The following LARS1 variants were observed in gnomAD, a reference collection of about 807,000 sequenced individuals.
LARS1 encodes leucine--tRNA ligase, cytoplasmic.
Under a neutral mutation model 162.8 loss-of-function variants are expected in LARS1, and 100 were observed. The observed-to-expected ratio is 0.61, with a 90% CI of 0.52 to 0.73. The LOEUF is 0.73. Ranked by LOEUF, LARS1 falls within the 30% of genes least tolerant of loss-of-function variation. The pLI is 0.00. For missense variants in LARS1, 1,258 were observed against 1,408.9 expected (o/e 0.89, Z 1.71); for synonymous variants, 457 against 462.8 (o/e 0.99, Z 0.16).
At chr5:146,172,050 G>A in intron 3 of LARS1, 60 bp from the exon 4 acceptor site, 1 of 1,414,762 alleles carries the variant, frequency 7.1e-7, no homozygotes, top group Admixed American at 1.8e-5. Flanking sequence ...TACAAAATGT[G>A]AACTTTTCAC....
At position 146,168,218 on chromosome 5, in the gene LARS1, G is replaced by C; in HGVS notation, c.342C>G (p.Pro114=). 1 of 1,613,292 alleles carries C rather than the reference G, an allele frequency of 6.2e-7. No individual in the cohort carries two copies. The highest frequency in any genetic ancestry group is 8.5e-7 in the Non-Finnish European group (1 of 1,179,636). ...LKREIELYGC[P]PDFPDEEEEE... ...CCTCTTCTTCATCTGGAAAATCAGGGGGGCAACCATACAGCTCTATTTCTC... is the reference window on the plus strand; with the variant it reads ...CCTCTTCTTCATCTGGAAAATCAGGCGGGCAACCATACAGCTCTATTTCTC... The change falls in exon 5 of 32, where the codon CCC becomes CCG. Residue 114 remains proline (P), a synonymous_variant. Transcript: ENST00000394434.
At chr5:146,141,629 C>G (rs575930970) in intron 20 of LARS1, among the ~76,000 whole-genome samples, 1 of 151,508 alleles carries the variant, frequency 6.6e-6, no homozygotes, top group African/African-American at 2.4e-5. Flanking sequence ...CAAAGTGAGA[C>G]CTCGTCTCTA....
chr5:146,180,393 G>A (rs1047248923), intron 1 of LARS1, among the ~76,000 whole-genome samples: 2 of 151,990 alleles, frequency 1.3e-5, no homozygotes, highest in Admixed American at 1.3e-4. Context: ...AATTAGCAGC[G>A]CATGGTGGCG....
At chr5:146,176,751 A>T (rs2126604282) in intron 2 of LARS1, among the ~76,000 whole-genome samples, 1 of 152,288 alleles carries the variant, frequency 6.6e-6, no homozygotes, top group South Asian at 2.1e-4. Flanking sequence ...TCTTTAAATC[A>T]GTATTATTTT....
chr5:146,123,956 G>A, intron 29 of LARS1, 26 bp downstream of exon 29: 2 of 1,231,816 alleles, frequency 1.6e-6, no homozygotes, highest in Non-Finnish European at 1.2e-6. Context: ...CAGTTAACTG[G>A]TTATTACAAT....
In LARS1 at chr5:146,160,604, A is replaced by T. The variant is rs1033948621; in HGVS notation, c.595-118T>A. On this transcript the variant is annotated intron_variant, in intron 6 of 31. Coordinates refer to ENST00000394434, the MANE Select transcript of LARS1 (RefSeq NM_020117.11). ...ACTTAGAATCAGATCAACTATTAAAAATAATTTTCCAAGTTCCACTATTAA... is the reference window on the plus strand; with the variant it reads ...ACTTAGAATCAGATCAACTATTAAATATAATTTTCCAAGTTCCACTATTAA... 4 of 496,722 alleles carry T rather than the reference A, an allele frequency of 8.1e-6. No homozygotes were observed. The African/African-American group carries it at 8.1e-5, about 10-fold the overall frequency. 30.8% of individuals were successfully genotyped at this position (496,722 alleles called of 1,614,324 possible).
intron 7 of LARS1, 130 bp from the exon 8 acceptor site, chr5:146,159,600 T>C: frequency 1.5e-6 from 1 of 654,512 alleles, no homozygotes. Context: ...TCTGTGTCTA[T>C]TATGTGTACT....
rs138963028 is a variant in LARS1 at position 146,117,931 on chromosome 5, A to T, written c.3325+2440T>A. On this transcript the variant is annotated intron_variant, in intron 31 of 31. Transcript: ENST00000394434. ...GGTGCGAATGTAAATTTGTATAGCC[A>T]CTATAAAAAACAGTATCGAGGTTCC... is the stretch of plus-strand genomic sequence containing the variant. Among the ~76,000 whole-genome samples, 477 of 152,364 alleles carry T rather than the reference A, an allele frequency of 3.1e-3. 9 individuals are homozygous for T. The highest frequency in any genetic ancestry group is 2.6e-3 in the Non-Finnish European group (175 of 68,038).
At chr5:146,178,470 T>A (rs913648442) in intron 1 of LARS1, among the ~76,000 whole-genome samples, 10 of 151,602 alleles carry the variant, frequency 6.6e-5, no homozygotes, top group African/African-American at 2.2e-4. Flanking sequence ...AAAAATTAGC[T>A]AGGCAAGGTG....
intron 21 of LARS1, chr5:146,138,896 T>C: frequency 3.4e-6 from 1 of 297,498 alleles, no homozygotes; most frequent in Admixed American, 3.9e-5. Context: ...TGGGGAAAGG[T>C]AACTCAGGCC....
rs187756205 is a variant in LARS1, at chr5:146,119,963, T to C, written c.3325+408A>G. On this transcript the variant is annotated intron_variant, in intron 31 of 31. Transcript: ENST00000394434. ...TGGTTAATACATGGAAGACATGCAA[T>C]AACTTTTACTCTGTTTCTCTTCCTT... is the stretch of plus-strand genomic sequence containing the variant. Among the ~76,000 whole-genome samples, 3 of 152,282 alleles carry C rather than the reference T, an allele frequency of 2.0e-5. No individual in the cohort carries two copies. The East Asian group carries it at 5.8e-4, about 29-fold the overall frequency.
chr5:146,118,967 A>G (rs1561794249), intron 31 of LARS1, among the ~76,000 whole-genome samples: 1 of 152,202 alleles, frequency 6.6e-6, no homozygotes, highest in Non-Finnish European at 1.5e-5. Flanking sequence ...CAGAGAAACA[A>G]AAGCAACTGG....
intron 31 of LARS1, among the ~76,000 whole-genome samples, chr5:146,119,314 A>T (rs1751705205): frequency 6.6e-6 from 1 of 152,202 alleles, no homozygotes; most frequent in South Asian, 2.1e-4. Context: ...TAGTGTCTCA[A>T]TAAGTATCCA....
chr5:146,180,796 G>GT (rs1425967421), intron 1 of LARS1, among the ~76,000 whole-genome samples: 2 of 152,082 alleles, frequency 1.3e-5, no homozygotes, highest in Admixed American at 1.3e-4. Flanking sequence ...CTCCTCACTG[G>GT]TAACAAAAGG....
chr5:146,162,872 A>G (rs975645069), intron 6 of LARS1, among the ~76,000 whole-genome samples: 2 of 152,210 alleles, frequency 1.3e-5, no homozygotes, highest in African/African-American at 4.8e-5. Flanking sequence ...CTGGGTTGCA[A>G]TGGCGCAGCC....
rs781422714 is a variant in LARS1 at position 146,172,675 on chromosome 5, G to A, written c.213+12C>T. The stretch of plus-strand genomic sequence containing the variant: ...CTTCCTCCCCATTATAGCAAACATA[G>A]GGAAACATTACCTCACATTTGGATA... On this transcript the variant is annotated intron_variant, in intron 3 of 31. Coordinates refer to ENST00000394434, the MANE Select transcript of LARS1 (RefSeq NM_020117.11). The A allele has an allele frequency of 6.0e-6, 9 of 1,503,470 alleles. No individual in the cohort carries two copies. The highest frequency in any genetic ancestry group is 8.1e-6 in the Non-Finnish European group (9 of 1,104,418). 93.1% of individuals were successfully genotyped at this position (1,503,470 alleles called of 1,614,324 possible).
rs1752062080 is a variant in LARS1, at chr5:146,126,638, C to T, written c.2881-93G>A. 6.5e-6 allele frequency: 5 copies of T among 768,390 alleles called. No homozygotes were observed. The South Asian group carries it at 8.2e-5, about 13-fold the overall frequency. 47.6% of individuals were successfully genotyped at this position (768,390 alleles called of 1,614,324 possible). A position where few individuals can be genotyped will look rare whatever the true frequency, so the allele number is the denominator to read the frequency against. On this transcript the variant is annotated intron_variant, in intron 27 of 31. Transcript: ENST00000394434. ...GTGACCAGGCATAGAATGGTGGCCT[C>T]TATCAATCCTTAGAGAACAGCAGAA... is the stretch of plus-strand genomic sequence containing the variant.
chr5:146,175,540 C>CAAA (rs869050326), intron 2 of LARS1, among the ~76,000 whole-genome samples: 2 of 64,770 alleles, frequency 3.1e-5, no homozygotes, highest in South Asian at 5.5e-4. Flanking sequence ...GACTCCACCT[C>CAAA]AAAAAAAAAA....
At chr5:146,164,609 T>G in intron 5 of LARS1, 138 bp from the exon 6 acceptor site, 1 of 840,870 alleles carries the variant, frequency 1.2e-6, no homozygotes, top group Non-Finnish European at 1.9e-6. Flanking sequence ...GAATTAGTTG[T>G]ACTATTAGTC....
Sources: allele counts gnomAD v4.1 joint callset (sites outside exome capture counted in the v4.1 genomes callset), GRCh38; gene constraint gnomAD v4.1.1; transcripts MANE v1.5; gene names NCBI Gene and HGNC (gene_info 2026-07-23, HGNC 2026-07-21).